NEXN: variants seen among roughly 807,000 people sequenced by gnomAD.
The protein encoded by NEXN is nexilin F-actin binding protein, also known as nexilin.
A neutral mutation model predicts 92.6 loss-of-function variants in NEXN; 65 were observed. The observed-to-expected ratio is 0.70, with a 90% CI of 0.57 to 0.86. NEXN has a LOEUF of 0.86. Ranked by LOEUF, NEXN falls within the 40% of genes least tolerant of loss-of-function variation. The probability of loss-of-function intolerance (pLI) is 0.00; values close to 1 mark genes in which losing one functional copy is unlikely to be tolerated. For synonymous variants in NEXN, 254 were observed against 242.5 expected, an observed-to-expected ratio of 1.05 and a Z score of -0.44; for missense variants, 778 against 771.1, an observed-to-expected ratio of 1.01 and a Z score of -0.11.
chr1:77,925,440 CAT>C (rs1358250857), intron 6 of NEXN, among the ~76,000 whole-genome samples: 1 of 152,160 alleles, frequency 6.6e-6, no homozygotes, highest in African/African-American at 2.4e-5. Flanking sequence ...GTTTTGCTTT[CAT>C]AGTCAGGTTA....
At chr1:77,902,774 T>C (rs992528870) in intron 1 of NEXN, among the ~76,000 whole-genome samples, 1 of 152,180 alleles carries the variant, frequency 6.6e-6, no homozygotes, top group Admixed American at 6.5e-5. Flanking sequence ...TAAAAATGTT[T>C]AAAGTTTATG....
chr1:77,940,665 T>C (rs1482862301), intron 11 of NEXN, among the ~76,000 whole-genome samples: 1 of 152,208 alleles, frequency 6.6e-6, no homozygotes, highest in Non-Finnish European at 1.5e-5. Flanking sequence ...AAGGTTCATT[T>C]GGTAAACAAC....
intron 1 of NEXN, among the ~76,000 whole-genome samples, chr1:77,895,029 A>ATTTTTTTTTTTTTTTTTT (rs559226754): frequency 1.6e-5 from 1 of 61,654 alleles, no homozygotes; most frequent in African/African-American, 6.8e-5. Flanking sequence ...CTATAGTGTA[A>ATTTTTTTTTTTTTTTTTT]TTTTTTTTTT....
At chr1:77,890,592 G>C (rs530100397) in intron 1 of NEXN, among the ~76,000 whole-genome samples, 15 of 152,094 alleles carry the variant, frequency 9.9e-5, no homozygotes, top group African/African-American at 3.6e-4. Context: ...GAAGTATTTA[G>C]GTTAGGGTTT....
chr1:77,919,759 C>G (rs1571118429), intron 5 of NEXN, among the ~76,000 whole-genome samples: 1 of 152,104 alleles, frequency 6.6e-6, no homozygotes, highest in African/African-American at 2.4e-5. Flanking sequence ...GCCACCACGT[C>G]TGGCTAATTT....
chr1:77,928,028 C>T lies in NEXN; in HGVS notation c.864+1136C>T, dbSNP rs180714394. Reference sequence around the variant, plus strand: ...AACCTCGTTTTAAGATTTAAAAATGCGCCAGGCATGGTGGCCATGCCTGTA... The same window carrying T: ...AACCTCGTTTTAAGATTTAAAAATGTGCCAGGCATGGTGGCCATGCCTGTA... On this transcript the variant is annotated intron_variant, in intron 8 of 12. Transcript: ENST00000334785. 2.1e-3 allele frequency among the ~76,000 whole-genome samples: 312 copies of T among 151,896 alleles called. 1 individual carries two copies. Among genetic ancestry groups the T allele is most frequent in the African/African-American group, 6.8e-3 (281 of 41,396 alleles).
rs918989611 is a variant in NEXN at position 77,936,146 on chromosome 1, T to C, written c.1473+102T>C. On this transcript the variant is annotated intron_variant, in intron 11 of 12. Transcript: ENST00000334785. ...AATAAGTTTTAGTACTTAAAATTAA[T>C]CATTGGTATATACAGTAATCTGGGA... 4.7e-6 allele frequency: 4 copies of C among 843,808 alleles called. No homozygotes were observed. The Admixed American group carries it at 7.0e-5, about 15-fold the overall frequency. 52.3% of individuals were successfully genotyped at this position (843,808 alleles called of 1,614,324 possible).
At chr1:77,896,129 C>G (rs186170280) in intron 1 of NEXN, among the ~76,000 whole-genome samples, 98 of 151,408 alleles carry the variant, frequency 6.5e-4, no homozygotes, top group Non-Finnish European at 2.6e-4. Context: ...AGAAATGACA[C>G]CACTGCTCTC....
At chr1:77,916,497 C>T (rs1648986049) in intron 2 of NEXN, among the ~76,000 whole-genome samples, 1 of 152,192 alleles carries the variant, frequency 6.6e-6, no homozygotes, top group Admixed American at 6.5e-5. Context: ...ACATAATTCC[C>T]TCTTAGGTAA....
chr1:77,915,124 AACAAC>A (rs2102084090), intron 1 of NEXN, among the ~76,000 whole-genome samples: 1 of 152,048 alleles, frequency 6.6e-6, no homozygotes, highest in African/African-American at 2.4e-5. Context: ...AACCAGTCTA[AACAAC>A]ACAGTGAGAC....
rs544507915 is a variant in NEXN, at chr1:77,906,317, G to A, written c.-52-9738G>A. ...AACTGAAGTTCACAGAAGTTAACTG[G>A]CTCATCCAAAATCACATATCTAATA... On this transcript the variant is annotated intron_variant, in intron 1 of 12. Transcript: ENST00000334785. 3.3e-5 allele frequency among the ~76,000 whole-genome samples: 5 copies of A among 152,176 alleles called. No individual in the cohort carries two copies. The South Asian group carries it at 1.0e-3, about 32-fold the overall frequency.
In NEXN at chr1:77,942,701, G is replaced by A; in HGVS notation, c.1900G>A (p.Gly634Arg). Residue 634 changes from glycine (G) to arginine (R), a missense_variant, in exon 13 of 13, where the codon GGA (glycine) becomes AGA (arginine). This residue lies in a region of NEXN where 532 missense variants were observed against 476.7 expected (regional missense o/e 1.12). Coordinates refer to ENST00000334785, the MANE Select transcript of NEXN (RefSeq NM_144573.4). ...DGEDYQYIER[G>R]ETYCLYLPET... is the part of the protein sequence containing the mutation. ...AGAAGACTATCAATATATTGAAAGG[G>A]GAGAAACTTACTGCCTTTACTTACC... 1.2e-6 allele frequency: 2 copies of A among 1,613,698 alleles called. No individual in the cohort carries two copies. Among genetic ancestry groups the A allele is most frequent in the Non-Finnish European group, 8.5e-7 (1 of 1,179,728 alleles).
At chr1:77,902,556 T>C (rs150061478) in intron 1 of NEXN, among the ~76,000 whole-genome samples, 751 of 152,332 alleles carry the variant, frequency 4.9e-3, no homozygotes, top group Admixed American at 9.3e-3. Flanking sequence ...AGATGTGTTA[T>C]GCTGAAATAG....
intron 5 of NEXN, among the ~76,000 whole-genome samples, chr1:77,919,802 G>A (rs1230912983): frequency 2.6e-5 from 4 of 152,078 alleles, no homozygotes; most frequent in Non-Finnish European, 5.9e-5. Flanking sequence ...GTTTCGCCAT[G>A]TTGGCCAGGT....
chr1:77,892,701 G>A (rs1055562659), intron 1 of NEXN, among the ~76,000 whole-genome samples: 1 of 152,128 alleles, frequency 6.6e-6, no homozygotes. Context: ...ATGGGAGTGG[G>A]AGAAGAGATT....
At chr1:77,926,159 A>G (rs1649823333) in intron 6 of NEXN, among the ~76,000 whole-genome samples, 1 of 152,184 alleles carries the variant, frequency 6.6e-6, no homozygotes, top group Non-Finnish European at 1.5e-5. Flanking sequence ...TTCGTTATCC[A>G]AACAGCTGTA....
At chr1:77,889,735 A>T (rs534872658) in intron 1 of NEXN, among the ~76,000 whole-genome samples, 199 of 152,340 alleles carry the variant, frequency 1.3e-3, no homozygotes, top group Non-Finnish European at 2.5e-3. Flanking sequence ...GTGAAGACAC[A>T]GGTAGAGAAA....
chr1:77,899,641 TTAAAA>T (rs1647529091), intron 1 of NEXN, among the ~76,000 whole-genome samples: 1 of 150,946 alleles, frequency 6.6e-6, no homozygotes, highest in South Asian at 2.1e-4. Context: ...ACATTAAAAC[TTAAAA>T]TATAATAATA....
intron 1 of NEXN, among the ~76,000 whole-genome samples, chr1:77,914,281 G>A (rs1648795984): frequency 6.6e-6 from 1 of 152,114 alleles, no homozygotes; most frequent in Non-Finnish European, 1.5e-5. Context: ...TATAACAAAT[G>A]TACCACTCCA....
Sources: allele counts gnomAD v4.1 joint callset (sites outside exome capture counted in the v4.1 genomes callset), GRCh38; gene constraint gnomAD v4.1.1; regional missense constraint gnomAD v4.1.1; transcripts MANE v1.5; gene names NCBI Gene and HGNC (gene_info 2026-07-23, HGNC 2026-07-21).